UNC5D: variants seen among roughly 807,000 people sequenced by gnomAD.
The protein encoded by UNC5D is netrin receptor UNC5D.
A neutral mutation model predicts 105.4 loss-of-function variants in UNC5D; 39 were observed. The ratio of observed to expected loss-of-function variants is 0.37; its 90% CI spans 0.29 to 0.48. UNC5D has a LOEUF of 0.48. UNC5D is among the 20% of genes least tolerant of loss of function. The pLI, the probability that UNC5D is intolerant of heterozygous loss-of-function variation, is 0.98. For synonymous variants in UNC5D, 452 were observed against 450.4 expected (o/e 1.00, Z -0.04); for missense variants, 991 against 1,202.4 (o/e 0.82, Z 2.60).
rs543194959 is a variant in UNC5D at position 35,521,101 on chromosome 8, T to C, written c.104-28191T>C. 1.8e-4 allele frequency among the ~76,000 whole-genome samples: 28 copies of C among 152,250 alleles called. 1 individual carries two copies. The highest frequency in any genetic ancestry group is 1.6e-3 in the Admixed American group (24 of 15,278). ...ACTGTTCATTGCTTTCTAAGCCTAG[T>C]ACATTAATGAGTCTTTGGTTGTACA... is the stretch of plus-strand genomic sequence containing the variant. On this transcript the variant is annotated intron_variant, in intron 1 of 16. Coordinates refer to ENST00000404895, the MANE Select transcript of UNC5D (RefSeq NM_080872.4).
At chr8:35,538,432 T>TTCA (rs1319609897) in intron 1 of UNC5D, among the ~76,000 whole-genome samples, 1 of 113,112 alleles carries the variant, frequency 8.8e-6, no homozygotes, top group African/African-American at 3.6e-5. Flanking sequence ...TATATATATA[T>TTCA]ATATATATGA....
At chr8:35,290,966 G>C (rs990564831) in intron 1 of UNC5D, among the ~76,000 whole-genome samples, 11 of 146,506 alleles carry the variant, frequency 7.5e-5, no homozygotes, top group African/African-American at 2.8e-4. Context: ...AAAAAAAAAA[G>C]AGGTGTGACT....
At chr8:35,475,243 G>T (rs562004196) in intron 1 of UNC5D, among the ~76,000 whole-genome samples, 20 of 152,300 alleles carry the variant, frequency 1.3e-4, no homozygotes, top group African/African-American at 4.8e-4. Context: ...CAATGAGACA[G>T]AGGGATAAAG....
At position 35,791,854 on chromosome 8, in the gene UNC5D, T is replaced by C. The variant is rs1432213275; in HGVS notation, c.*1291T>C. ...TTTTTTTTTTTACATTAGGAGGCAG[T>C]GATATTGTGGAAGATTGAAATCCAC... On this transcript the variant is annotated 3_prime_UTR_variant, in exon 17 of 17. Coordinates refer to ENST00000404895, the MANE Select transcript of UNC5D (RefSeq NM_080872.4). 6.6e-6 allele frequency: 1 copy of C among 152,100 alleles called. No individual in the cohort carries two copies. Among genetic ancestry groups the C allele is most frequent in the African/African-American group, 2.4e-5 (1 of 41,408 alleles). The allele number at this position is 152,100 out of a possible 1,614,324, so 9.4% of individuals were successfully genotyped here. A position where few individuals can be genotyped will look rare whatever the true frequency, so the allele number is the denominator to read the frequency against.
chr8:35,338,170 A>G, intron 1 of UNC5D, among the ~76,000 whole-genome samples: 1 of 152,090 alleles, frequency 6.6e-6, no homozygotes, highest in East Asian at 1.9e-4. Context: ...ATTTCTGGAG[A>G]AGTAAGTGAC....
chr8:35,760,797 C>G (rs945304040), intron 14 of UNC5D, among the ~76,000 whole-genome samples: 3 of 150,626 alleles, frequency 2.0e-5, no homozygotes, highest in Admixed American at 6.6e-5. Flanking sequence ...TAACTATAGA[C>G]AGGTATACCA....
chr8:35,515,423 G>A (rs761168224), intron 1 of UNC5D, among the ~76,000 whole-genome samples: 11 of 152,144 alleles, frequency 7.2e-5, no homozygotes, highest in South Asian at 2.1e-4. Flanking sequence ...GGTGGCTCAC[G>A]CCTGTAATCC....
intron 4 of UNC5D, among the ~76,000 whole-genome samples, chr8:35,678,109 G>A (rs1825393931): frequency 1.3e-5 from 2 of 152,060 alleles, no homozygotes; most frequent in Admixed American, 1.3e-4. Context: ...ATGAGTGATT[G>A]GGGGTAGACC....
chr8:35,779,417 C>G (rs1802401426), intron 16 of UNC5D, among the ~76,000 whole-genome samples: 1 of 152,168 alleles, frequency 6.6e-6, no homozygotes, highest in Non-Finnish European at 1.5e-5. Context: ...AAATATTTCT[C>G]TAATGAACGA....
intron 1 of UNC5D, among the ~76,000 whole-genome samples, chr8:35,399,069 TG>T (rs1339135311): frequency 7.1e-6 from 1 of 141,362 alleles, no homozygotes; most frequent in Non-Finnish European, 1.5e-5. Context: ...TGCTTGAACC[TG>T]GGAGTCAGAG....
intron 1 of UNC5D, among the ~76,000 whole-genome samples, chr8:35,525,000 T>C (rs1813763444): frequency 7.0e-6 from 1 of 143,074 alleles, no homozygotes; most frequent in Admixed American, 7.1e-5. Flanking sequence ...AATTATTCTC[T>C]TGTTCTTTTT....
chr8:35,301,419 C>CATCA (rs1807949315), intron 1 of UNC5D, among the ~76,000 whole-genome samples: 1 of 152,178 alleles, frequency 6.6e-6, no homozygotes, highest in South Asian at 2.1e-4. Flanking sequence ...AAAACCAATT[C>CATCA]ATCAATCAGG....
intron 4 of UNC5D, among the ~76,000 whole-genome samples, chr8:35,610,857 C>T (rs756324476): frequency 1.3e-5 from 2 of 151,948 alleles, no homozygotes; most frequent in Non-Finnish European, 2.9e-5. Context: ...AAGATTGTCA[C>T]GGTTGCACAA....
chr8:35,767,158 T>C, intron 15 of UNC5D, 92 bp downstream of exon 15: 4 of 1,397,204 alleles, frequency 2.9e-6, no homozygotes, highest in Non-Finnish European at 3.8e-6. Context: ...ATTCAGGTTC[T>C]GAAAGAGCTT....
chr8:35,604,390 G>A (rs554158878), intron 4 of UNC5D, among the ~76,000 whole-genome samples: 4 of 152,222 alleles, frequency 2.6e-5, no homozygotes, highest in African/African-American at 9.6e-5. Context: ...CTTCTGGCTT[G>A]TAGAGTTTCT....
chr8:35,271,742 T>TA (rs1272358094), intron 1 of UNC5D, among the ~76,000 whole-genome samples: 1 of 127,472 alleles, frequency 7.8e-6, no homozygotes, highest in African/African-American at 3.0e-5. Flanking sequence ...TACATATATA[T>TA]TTATACATGT....
Position 35,242,677 on chromosome 8 carries a change from G to A in UNC5D, c.103+6790G>A, listed in dbSNP as rs185973214. On this transcript the variant is annotated intron_variant, in intron 1 of 16. Coordinates refer to ENST00000404895, the MANE Select transcript of UNC5D (RefSeq NM_080872.4). ...ATTTTTACAGACAGGGTTTCACCAC[G>A]TTGGTCAGGCTGGTCTCAAACTCCT... Among the ~76,000 whole-genome samples, 453 of 152,128 alleles carry A rather than the reference G, an allele frequency of 3.0e-3. 2 individuals carry two copies. Among genetic ancestry groups the A allele is most frequent in the African/African-American group, 0.01 (426 of 41,508 alleles).
intron 1 of UNC5D, among the ~76,000 whole-genome samples, chr8:35,474,520 A>G (rs1389297526): frequency 7.9e-5 from 12 of 152,162 alleles, no homozygotes; most frequent in Admixed American, 7.9e-4. Context: ...TATAATTGCT[A>G]TCGTAGTTGA....
chr8:35,431,809 A>C (rs1474808793), intron 1 of UNC5D, among the ~76,000 whole-genome samples: 1 of 152,140 alleles, frequency 6.6e-6, no homozygotes, highest in East Asian at 1.9e-4. Context: ...TTTGCTTTCC[A>C]AACCTAATAC....
Sources: allele counts gnomAD v4.1 joint callset (sites outside exome capture counted in the v4.1 genomes callset), GRCh38; gene constraint gnomAD v4.1.1; transcripts MANE v1.5; gene names NCBI Gene and HGNC (gene_info 2026-07-23, HGNC 2026-07-21).